RYR3: variants seen among roughly 807,000 people sequenced by gnomAD.
RYR3 encodes the protein ryanodine receptor 3.
A neutral mutation model predicts 584.3 loss-of-function variants in RYR3; 207 were observed. The ratio of observed to expected loss-of-function variants is 0.35; its 90% CI spans 0.32 to 0.40. The LOEUF (loss-of-function observed/expected upper bound fraction) is 0.40. RYR3 is among the 10% of genes least tolerant of loss of function. The pLI, the probability that RYR3 is intolerant of heterozygous loss-of-function variation, is 1.00. For synonymous variants in RYR3, 2,416 were observed against 2,248.5 expected (o/e 1.07, Z -2.11); for missense variants, 5,616 against 6,089.2 (o/e 0.92, Z 2.59).
chr15:33,657,881 C>CAAAT (rs1450146627), intron 32 of RYR3, among the ~76,000 whole-genome samples: 1 of 152,166 alleles, frequency 6.6e-6, no homozygotes, highest in Non-Finnish European at 1.5e-5. Context: ...TCATCATGAA[C>CAAAT]AAATGATAGC....
At position 33,537,426 on chromosome 15, in the gene RYR3, TTATC is replaced by T. The variant is rs1343612801; in HGVS notation, c.434-1921_434-1918del. ...TACCACCTCACTGTGGTGGAACACA[TTATC>T]TAGTAACTTTTACAGAAAAGATGCA... On this transcript the variant is annotated intron_variant, in intron 5 of 103. Transcript: ENST00000634891. Among the ~76,000 whole-genome samples, 5 of 151,520 alleles carry T rather than the reference TTATC, an allele frequency of 3.3e-5. No individual in the cohort carries two copies. In the East Asian group the frequency reaches 5.8e-4, roughly 18 times the overall value.
chr15:33,319,738 T>G (rs1438103228), intron 1 of RYR3, among the ~76,000 whole-genome samples: 4 of 152,214 alleles, frequency 2.6e-5, no homozygotes, highest in Non-Finnish European at 5.9e-5. Flanking sequence ...AGAGATGTCC[T>G]GAAGAAACTC....
At chr15:33,785,614 C>T in intron 65 of RYR3, 48 bp from the exon 66 acceptor site, 2 of 1,432,436 alleles carry the variant, frequency 1.4e-6, no homozygotes, top group Non-Finnish European at 1.9e-6. Context: ...GAAGCTTGCA[C>T]CCACTGTGCT....
intron 1 of RYR3, among the ~76,000 whole-genome samples, chr15:33,418,671 C>T (rs934816220): frequency 6.6e-6 from 1 of 152,022 alleles, no homozygotes; most frequent in African/African-American, 2.4e-5. Context: ...AGACAACTAC[C>T]CCCTGGAAGC....
chr15:33,478,916 T>A (rs1229544747), intron 2 of RYR3, among the ~76,000 whole-genome samples: 1 of 152,244 alleles, frequency 6.6e-6, no homozygotes, highest in Non-Finnish European at 1.5e-5. Context: ...ACAATTTACC[T>A]TAGTGCCCTT....
intron 18 of RYR3, among the ~76,000 whole-genome samples, chr15:33,607,765 C>A (rs1331575817): frequency 1.3e-5 from 2 of 151,986 alleles, no homozygotes; most frequent in East Asian, 3.9e-4. Context: ...AGTGTCCCGG[C>A]AAACTTTTCT....
chr15:33,426,791 A>C (rs997458205), intron 1 of RYR3, among the ~76,000 whole-genome samples: 11 of 152,190 alleles, frequency 7.2e-5, no homozygotes, highest in Non-Finnish European at 1.5e-5. Context: ...AGAAATTTAT[A>C]TCTCTCAGTT....
At chr15:33,314,009 G>C (rs1038596172) in intron 1 of RYR3, among the ~76,000 whole-genome samples, 5 of 152,154 alleles carry the variant, frequency 3.3e-5, no homozygotes, top group African/African-American at 1.2e-4. Flanking sequence ...CTTATTTGTG[G>C]TAGTGTTTAT....
intron 5 of RYR3, among the ~76,000 whole-genome samples, chr15:33,534,482 T>C (rs1375569488): frequency 1.3e-5 from 2 of 152,220 alleles, no homozygotes; most frequent in African/African-American, 2.4e-5. Flanking sequence ...ACCAATGATA[T>C]ACATCATATA....
At chr15:33,765,359 G>A (rs554383634) in intron 60 of RYR3, among the ~76,000 whole-genome samples, 25 of 152,094 alleles carry the variant, frequency 1.6e-4, no homozygotes, top group Middle Eastern at 3.4e-3. Flanking sequence ...GAGGCCAGGC[G>A]CGGTGGCTCA....
intron 98 of RYR3, among the ~76,000 whole-genome samples, chr15:33,857,290 T>C (rs953076423): frequency 3.9e-5 from 6 of 151,964 alleles, no homozygotes; most frequent in African/African-American, 4.8e-5. Flanking sequence ...TCTGTGGCTG[T>C]AGACAGCACC....
At chr15:33,718,568 G>A (rs1309898712) in intron 43 of RYR3, among the ~76,000 whole-genome samples, 1 of 152,140 alleles carries the variant, frequency 6.6e-6, no homozygotes, top group Non-Finnish European at 1.5e-5. Flanking sequence ...ATGAAATGGA[G>A]TTACCTAAGT....
At chr15:33,515,595 T>C (rs138918918) in intron 3 of RYR3, among the ~76,000 whole-genome samples, 129 of 152,380 alleles carry the variant, frequency 8.5e-4, no homozygotes, top group African/African-American at 2.8e-3. Context: ...TACCTAGGCC[T>C]CTGCTAATAC....
intron 31 of RYR3, 89 bp from the exon 32 acceptor site, chr15:33,652,629 A>T: frequency 1.5e-6 from 2 of 1,359,272 alleles, no homozygotes; most frequent in South Asian, 1.3e-5. Flanking sequence ...AAGTTTCTGT[A>T]GCCATTTTCA....
At position 33,418,884 on chromosome 15, in the gene RYR3, C is replaced by T. The variant is rs560198472; in HGVS notation, c.52-54535C>T. Among the ~76,000 whole-genome samples the T allele has an allele frequency of 1.0e-3, 153 of 152,082 alleles. 5 individuals carry two copies. In the South Asian group the frequency reaches 0.027, roughly 27 times the overall value. ...AGCATGAGGACAGGAGAAACCAGAA[C>T]GCAATGAGTTAAGGAATTAGTGGAA... On this transcript the variant is annotated intron_variant, in intron 1 of 103. Coordinates refer to ENST00000634891, the MANE Select transcript of RYR3 (RefSeq NM_001036.6).
Position 33,531,814 on chromosome 15 carries a change from A to T in RYR3, c.354+1148A>T, listed in dbSNP as rs149626371. Among the ~76,000 whole-genome samples the T allele has an allele frequency of 3.1e-3, 472 of 152,142 alleles. 3 individuals carry two copies. Among genetic ancestry groups the T allele is most frequent in the Middle Eastern group, 0.014 (4 of 294 alleles). On this transcript the variant is annotated intron_variant, in intron 4 of 103. Coordinates refer to ENST00000634891, the MANE Select transcript of RYR3 (RefSeq NM_001036.6). ...TAGGGAAACTTTGAACCCTGATAATATCTGGAATTGAGAAGGTGATACTAT... is the reference window on the plus strand; with the variant it reads ...TAGGGAAACTTTGAACCCTGATAATTTCTGGAATTGAGAAGGTGATACTAT...
At chr15:33,549,069 G>A (rs1380927301) in intron 9 of RYR3, among the ~76,000 whole-genome samples, 2 of 151,254 alleles carry the variant, frequency 1.3e-5, no homozygotes, top group Non-Finnish European at 2.9e-5. Flanking sequence ...ATATGCACAC[G>A]TTTTTTTTTT....
chr15:33,507,551 A>T (rs1314690151), intron 3 of RYR3, among the ~76,000 whole-genome samples: 2 of 152,206 alleles, frequency 1.3e-5, no homozygotes, highest in Non-Finnish European at 2.9e-5. Flanking sequence ...GCAATCAAAT[A>T]TTAGAGTATT....
chr15:33,843,447 T>G, intron 91 of RYR3, 41 bp from the exon 92 acceptor site: 1 of 1,424,276 alleles, frequency 7.0e-7, no homozygotes, highest in Non-Finnish European at 9.7e-7. Context: ...TCTCTTTTCC[T>G]TCCAAAGCTC....
Sources: gnomAD v4.1 joint callset for allele counts (sites outside exome capture counted in the v4.1 genomes callset) on GRCh38, gnomAD v4.1.1 for gene constraint, MANE v1.5 for transcripts, NCBI Gene and HGNC (gene_info 2026-07-23, HGNC 2026-07-21) for gene names.